SSH2: variants seen among roughly 807,000 people sequenced by gnomAD.
The protein encoded by SSH2 is protein phosphatase Slingshot homolog 2.
SSH2 carries 37 observed loss-of-function variants against 135.2 expected under a neutral mutation model. The ratio of observed to expected loss-of-function variants is 0.27; its 90% CI spans 0.21 to 0.36. The LOEUF (loss-of-function observed/expected upper bound fraction) is 0.36, where lower values mean the gene tolerates loss of function less well. Ranked by LOEUF, SSH2 falls within the 10% of genes least tolerant of loss-of-function variation. SSH2 has a pLI of 1.00. For synonymous variants in SSH2, 628 were observed against 646.2 expected (o/e 0.97, Z 0.43); for missense variants, 1,408 against 1,765.3 (o/e 0.80, Z 3.63).
intron 1 of SSH2, among the ~76,000 whole-genome samples, chr17:29,870,304 A>G (rs1449319971): frequency 1.3e-5 from 2 of 151,696 alleles, no homozygotes; most frequent in African/African-American, 2.4e-5. Context: ...AAAATATGCA[A>G]TATTGTATAT....
At chr17:29,883,826 C>G (rs2066183504) in intron 1 of SSH2, among the ~76,000 whole-genome samples, 1 of 152,112 alleles carries the variant, frequency 6.6e-6, no homozygotes, top group South Asian at 2.1e-4. Context: ...GGTTCATTTC[C>G]TTTAGCACAG....
At chr17:29,858,346 C>A (rs2065702202) in intron 1 of SSH2, among the ~76,000 whole-genome samples, 1 of 152,184 alleles carries the variant, frequency 6.6e-6, no homozygotes, top group Non-Finnish European at 1.5e-5. Flanking sequence ...AAACAGGTGG[C>A]AGACCTGTGT....
At chr17:29,749,689 T>C (rs541432235) in intron 3 of SSH2, among the ~76,000 whole-genome samples, 1 of 152,292 alleles carries the variant, frequency 6.6e-6, no homozygotes, top group Non-Finnish European at 1.5e-5. Flanking sequence ...ATAAACACCA[T>C]ACACTTAGGC....
chr17:29,863,067 G>T (rs931379899), intron 1 of SSH2, among the ~76,000 whole-genome samples: 1 of 149,242 alleles, frequency 6.7e-6, no homozygotes, highest in Non-Finnish European at 1.5e-5. Context: ...AAAAAGGATT[G>T]TTTTTTTTTT....
intron 2 of SSH2, among the ~76,000 whole-genome samples, chr17:29,796,364 G>A (rs182964322): frequency 4.6e-5 from 7 of 151,552 alleles, no homozygotes; most frequent in African/African-American, 1.2e-4. Flanking sequence ...TTTTTGAGAC[G>A]GAGTCTCGCT....
intron 14 of SSH2, chr17:29,639,791 A>C (rs2036072001): frequency 6.6e-6 from 1 of 152,072 alleles, no homozygotes; most frequent in Non-Finnish European, 1.5e-5. Context: ...TAAGTTGTAC[A>C]TTATGACCAA....
chr17:29,633,050 C>A, intron 15 of SSH2, 119 bp from the exon 16 acceptor site: 2 of 910,982 alleles, frequency 2.2e-6, no homozygotes, highest in Non-Finnish European at 3.3e-6. Context: ...GAATACAAAT[C>A]ATGGAGTGCC....
chr17:29,785,491 A>ATTTTTTTT (rs34346245), intron 3 of SSH2, among the ~76,000 whole-genome samples: 5 of 78,488 alleles, frequency 6.4e-5, no homozygotes, highest in African/African-American at 1.6e-4. Context: ...TTGGCGTTTC[A>ATTTTTTTT]TTTTTTTTTT....
At chr17:29,740,868 TTTGC>T (rs955854086) in intron 3 of SSH2, among the ~76,000 whole-genome samples, 2 of 152,248 alleles carry the variant, frequency 1.3e-5, no homozygotes, top group Non-Finnish European at 2.9e-5. Flanking sequence ...AGCAAGTCTG[TTTGC>T]TTATCTTTTG....
At chr17:29,685,279 C>G (rs1683446671) in intron 5 of SSH2, among the ~76,000 whole-genome samples, 1 of 152,068 alleles carries the variant, frequency 6.6e-6, no homozygotes, top group Admixed American at 6.5e-5. Flanking sequence ...TTTAAAAGGA[C>G]CCTCAGAAAA....
At chr17:29,685,843 T>C (rs1351471221) in intron 5 of SSH2, among the ~76,000 whole-genome samples, 1 of 151,506 alleles carries the variant, frequency 6.6e-6, no homozygotes, top group Non-Finnish European at 1.5e-5. Context: ...CTTTCTTTCT[T>C]TTCTTTTTCT....
chr17:29,750,520 A>G (rs1160086651), intron 3 of SSH2, among the ~76,000 whole-genome samples: 2 of 151,776 alleles, frequency 1.3e-5, no homozygotes, highest in Non-Finnish European at 2.9e-5. Flanking sequence ...TATTTTCTTT[A>G]TATGCTCCTC....
intron 1 of SSH2, among the ~76,000 whole-genome samples, chr17:29,899,047 G>A (rs1298137366): frequency 6.6e-6 from 1 of 152,122 alleles, no homozygotes; most frequent in Non-Finnish European, 1.5e-5. Context: ...TATCTCAATA[G>A]ATGCAGAAAA....
At chr17:29,754,708 C>T (rs964048196) in intron 3 of SSH2, among the ~76,000 whole-genome samples, 1 of 151,740 alleles carries the variant, frequency 6.6e-6, no homozygotes, top group East Asian at 1.9e-4. Flanking sequence ...GCTCTGTTGC[C>T]CAGGCTGAAG....
intron 3 of SSH2, among the ~76,000 whole-genome samples, chr17:29,775,560 T>C (rs2041680850): frequency 6.6e-6 from 1 of 152,218 alleles, no homozygotes; most frequent in Admixed American, 6.5e-5. Flanking sequence ...GGGAATGTCA[T>C]TTTTTGAGGA....
intron 3 of SSH2, among the ~76,000 whole-genome samples, chr17:29,718,712 G>A (rs972901321): frequency 6.5e-5 from 6 of 92,178 alleles, no homozygotes; most frequent in African/African-American, 8.0e-5. Context: ...TAGACTGGGC[G>A]ACAAAGCAAG....
At chr17:29,651,869 G>A (rs1307833822) in intron 12 of SSH2, among the ~76,000 whole-genome samples, 2 of 152,070 alleles carry the variant, frequency 1.3e-5, no homozygotes, top group Admixed American at 6.6e-5. Context: ...TTGGCCAGGC[G>A]CAGTGGCTCA....
chr17:29,917,162 G>T (rs2066897014), intron 1 of SSH2, among the ~76,000 whole-genome samples: 1 of 151,960 alleles, frequency 6.6e-6, no homozygotes, highest in African/African-American at 2.4e-5. Flanking sequence ...AAATCTGGCT[G>T]CCATGTCTTA....
At chr17:29,731,694 G>A (rs1324333905) in intron 3 of SSH2, among the ~76,000 whole-genome samples, 1 of 152,096 alleles carries the variant, frequency 6.6e-6, no homozygotes, top group Non-Finnish European at 1.5e-5. Context: ...GGCCTCAACT[G>A]ATCTGTCCAC....
Sources: allele counts gnomAD v4.1 joint callset (sites outside exome capture counted in the v4.1 genomes callset), GRCh38; gene constraint gnomAD v4.1.1; transcripts MANE v1.5; gene names NCBI Gene and HGNC (gene_info 2026-07-23, HGNC 2026-07-21).